TCF4: variants seen among roughly 807,000 people sequenced by gnomAD.
The protein encoded by TCF4 is transcription factor 4.
A neutral mutation model predicts 82.1 loss-of-function variants in TCF4; 3 were observed. That is an observed-to-expected ratio of 0.04 (90% CI 0.02 to 0.09). The LOEUF is 0.09. Ranked by LOEUF, TCF4 falls within the 10% of genes least tolerant of loss-of-function variation. The pLI is 1.00. For synonymous variants in TCF4, 276 were observed against 309.6 expected (o/e 0.89, Z 1.14); for missense variants, 518 against 852.7 (o/e 0.61, Z 4.89).
At chr18:55,303,202 A>C (rs2068866936) in intron 8 of TCF4, among the ~76,000 whole-genome samples, 1 of 144,512 alleles carries the variant, frequency 6.9e-6, no homozygotes, top group South Asian at 2.2e-4. Context: ...TTCTCTTCCT[A>C]CTTCCAACCT....
At chr18:55,349,582 G>GA (rs1180599882) in intron 8 of TCF4, among the ~76,000 whole-genome samples, 2 of 151,930 alleles carry the variant, frequency 1.3e-5, no homozygotes, top group African/African-American at 4.8e-5. Flanking sequence ...AAGAAACAAA[G>GA]AAAGAAGAGA....
intron 8 of TCF4, 80 bp from the exon 9 acceptor site, chr18:55,279,736 G>A: frequency 6.3e-7 from 1 of 1,595,998 alleles, no homozygotes; most frequent in Non-Finnish European, 8.6e-7. Context: ...TAAGAAGTAG[G>A]CAGAAAGTGC....
At chr18:55,233,401 G>T (rs534748254) in intron 16 of TCF4, among the ~76,000 whole-genome samples, 18 of 152,270 alleles carry the variant, frequency 1.2e-4, no homozygotes, top group South Asian at 2.1e-4. Flanking sequence ...CATTAGAAAT[G>T]GACAATCCCA....
At chr18:55,446,412 T>A (rs1411670443) in intron 5 of TCF4, among the ~76,000 whole-genome samples, 1 of 152,148 alleles carries the variant, frequency 6.6e-6, no homozygotes, top group African/African-American at 2.4e-5. Flanking sequence ...TTAGCTGCTA[T>A]TCCACCTCTG....
chr18:55,569,705 T>C (rs2097443500), intron 3 of TCF4, among the ~76,000 whole-genome samples: 1 of 152,040 alleles, frequency 6.6e-6, no homozygotes, highest in Non-Finnish European at 1.5e-5. Context: ...GAGAAAATTA[T>C]AAAACTATAA....
intron 1 of TCF4, among the ~76,000 whole-genome samples, chr18:55,635,000 G>A (rs1225193711): frequency 6.6e-6 from 1 of 152,188 alleles, no homozygotes; most frequent in Non-Finnish European, 1.5e-5. Flanking sequence ...CATCCAAATG[G>A]AGGTGTATTA....
intron 5 of TCF4, among the ~76,000 whole-genome samples, chr18:55,456,446 A>G (rs2095756256): frequency 6.6e-6 from 1 of 152,210 alleles, no homozygotes; most frequent in African/African-American, 2.4e-5. Flanking sequence ...TGCTGAACTA[A>G]GCTGTAGCCA....
chr18:55,271,055 C>T (rs536293866), intron 10 of TCF4, among the ~76,000 whole-genome samples: 37 of 152,138 alleles, frequency 2.4e-4, no homozygotes, highest in Non-Finnish European at 1.0e-4. Flanking sequence ...CTGATAGTCA[C>T]GGGTATTTAA....
intron 2 of TCF4, among the ~76,000 whole-genome samples, chr18:55,621,677 ATTATATAT>A (rs2097720037): frequency 2.4e-4 from 2 of 8,328 alleles, no homozygotes; most frequent in Admixed American, 3.6e-3. Flanking sequence ...TATAATATAC[ATTATATAT>A]TATATTATAT....
intron 8 of TCF4, among the ~76,000 whole-genome samples, chr18:55,312,525 C>T (rs1366415544): frequency 6.6e-6 from 1 of 152,102 alleles, no homozygotes; most frequent in Non-Finnish European, 1.5e-5. Flanking sequence ...AATGTCATAT[C>T]TGAAAGGTAA....
At chr18:55,321,528 G>A in intron 8 of TCF4, 1 of 1,237,498 alleles carries the variant, frequency 8.1e-7, no homozygotes, top group Non-Finnish European at 1.1e-6. Context: ...TCTTAGGATT[G>A]GCAAATGATA....
In TCF4 at chr18:55,254,519, G is replaced by A. The variant is rs1600285757; in HGVS notation, c.1328C>T (p.Ser443Leu). ...TACCATGAGTGAATGTCTGTTGGCTGAAAGAAGGCCGGTTCCATACCCTGA... is the reference window on the plus strand; with the variant it reads ...TACCATGAGTGAATGTCTGTTGGCTAAAAGAAGGCCGGTTCCATACCCTGA... ...LGSGYGTGLL[S>L]ANRHSLMVGT... The change falls in exon 15 of 20, where the codon TCA becomes TTA. Residue 443 changes from serine (S) to leucine (L), a missense_variant. Ser to Leu is a moderately radical substitution (Grantham distance 145). Coordinates refer to ENST00000354452, the MANE Select transcript of TCF4 (RefSeq NM_001083962.2). 6.2e-7 allele frequency: 1 copy of A among 1,613,664 alleles called. No individual in the cohort carries two copies. The highest frequency in any genetic ancestry group is 8.5e-7 in the Non-Finnish European group (1 of 1,179,784).
chr18:55,385,032 C>CT (rs1389374749), intron 6 of TCF4, among the ~76,000 whole-genome samples: 2 of 152,136 alleles, frequency 1.3e-5, no homozygotes, highest in Non-Finnish European at 2.9e-5. Flanking sequence ...TCTCCCTCCC[C>CT]CTTACCCCCT....
At chr18:55,380,688 C>T (rs1017342676) in intron 6 of TCF4, among the ~76,000 whole-genome samples, 4 of 152,210 alleles carry the variant, frequency 2.6e-5, no homozygotes, top group Admixed American at 1.3e-4. Context: ...TATGCTCATG[C>T]CCCACTGTGA....
rs59228811 is a variant in TCF4, at chr18:55,326,401, C to CAA, written c.549+23956_549+23957dup. ...GCAAGAGTGCCTTAAAGAGCAGCAG[C>CAA]AAAAAAAAAAAAAAAAAAAAAAAAA... On this transcript the variant is annotated intron_variant, in intron 8 of 19. Transcript: ENST00000354452. 7.4e-3 allele frequency among the ~76,000 whole-genome samples: 195 copies of CAA among 26,382 alleles called. 11 individuals carry two copies. Among genetic ancestry groups the CAA allele is most frequent in the African/African-American group, 9.1e-3 (71 of 7,796 alleles). 17.3% of individuals were successfully genotyped at this position (26,382 alleles called of 152,430 possible).
rs987632444 is a variant in TCF4 at position 55,586,116 on chromosome 18, A to AGAG, written c.73-767_73-765dup. ...CCATTTCTCCAAAAGAAGGTCTAGA[A>AGAG]GAGGAGGAGGAGGAGGAGAAGGAGG... On this transcript the variant is annotated intron_variant, in intron 2 of 19. Coordinates refer to ENST00000354452, the MANE Select transcript of TCF4 (RefSeq NM_001083962.2). 6.8e-5 allele frequency: 96 copies of AGAG among 1,412,916 alleles called. 7 individuals are homozygous for AGAG. Among genetic ancestry groups the AGAG allele is most frequent in the Admixed American group, 2.2e-4 (10 of 46,158 alleles). 87.5% of individuals were successfully genotyped at this position (1,412,916 alleles called of 1,614,324 possible).
rs937320279 is a variant in TCF4, at chr18:55,321,650, C to G, written c.549+28709G>C. On this transcript the variant is annotated intron_variant, in intron 8 of 19. Coordinates refer to ENST00000354452, the MANE Select transcript of TCF4 (RefSeq NM_001083962.2). ...AATAAAACTTGTCAAAAATCCCCCT[C>G]GCAGCCCGCATTCGCTTACCGCTTT... The G allele has an allele frequency of 2.0e-6, 3 of 1,536,014 alleles. No homozygotes were observed. The African/African-American group carries it at 4.1e-5, about 21-fold the overall frequency.
intron 8 of TCF4, among the ~76,000 whole-genome samples, chr18:55,283,313 AC>A (rs2063001627): frequency 6.6e-6 from 1 of 152,138 alleles, no homozygotes; most frequent in Non-Finnish European, 1.5e-5. Context: ...TCTAAATAAA[AC>A]CTGTGCCTAA....
At chr18:55,625,868 AGATG>A (rs1456216511) in intron 2 of TCF4, among the ~76,000 whole-genome samples, 1 of 152,130 alleles carries the variant, frequency 6.6e-6, no homozygotes, top group Admixed American at 6.5e-5. Context: ...CACCTTCATA[AGATG>A]TGTTCTTTTC....
Sources: gnomAD v4.1 joint callset for allele counts (sites outside exome capture counted in the v4.1 genomes callset) on GRCh38, gnomAD v4.1.1 for gene constraint, MANE v1.5 for transcripts, NCBI Gene and HGNC (gene_info 2026-07-23, HGNC 2026-07-21) for gene names.